USP2: variants seen among roughly 807,000 people sequenced by gnomAD.
USP2 encodes the protein ubiquitin carboxyl-terminal hydrolase 2.
Under a neutral mutation model 72.0 loss-of-function variants are expected in USP2, and 33 were observed. The ratio of observed to expected loss-of-function variants is 0.46; its 90% CI spans 0.35 to 0.61. USP2 has a LOEUF of 0.61. Among genes scored for constraint, USP2 ranks in the 20% least tolerant of loss-of-function variants. The pLI is 0.01. For synonymous variants in USP2, 296 were observed against 312.5 expected (o/e 0.95, Z 0.56); for missense variants, 691 against 797.8 (o/e 0.87, Z 1.61).
At chr11:119,368,640 T>G (rs898356659) in intron 2 of USP2, among the ~76,000 whole-genome samples, 1 of 152,238 alleles carries the variant, frequency 6.6e-6, no homozygotes, top group Non-Finnish European at 1.5e-5. Flanking sequence ...CCAGACCTTT[T>G]GCTCCTAGAA....
intron 1 of USP2, among the ~76,000 whole-genome samples, chr11:119,377,325 C>G (rs140138747): frequency 2.0e-5 from 3 of 152,166 alleles, no homozygotes; most frequent in Non-Finnish European, 4.4e-5. Context: ...CTTCACTCTT[C>G]CCTGGCTCTC....
At chr11:119,365,893 G>GTTTTTTTTTTTTTTTTTTTTT (rs1317666327) in intron 2 of USP2, among the ~76,000 whole-genome samples, 1 of 131,268 alleles carries the variant, frequency 7.6e-6, no homozygotes, top group African/African-American at 2.8e-5. Context: ...TATTTTATTT[G>GTTTTTTTTTTTTTTTTTTTTT]TTTTGTTTTT....
In USP2 at chr11:119,380,578, G is replaced by C. The variant is rs1951048509; in HGVS notation, c.-42+895C>G. Among the ~76,000 whole-genome samples, 6 of 152,148 alleles carry C rather than the reference G, an allele frequency of 3.9e-5. No individual in the cohort carries two copies. The South Asian group carries it at 1.2e-3, about 31-fold the overall frequency. Reference sequence around the variant, plus strand: ...TCTGCTCCCAGGACGTTTCTCGATGGCTCTCCCCGAGGACTGGGAGTACCC... The same window carrying C: ...TCTGCTCCCAGGACGTTTCTCGATGCCTCTCCCCGAGGACTGGGAGTACCC... On this transcript the variant is annotated intron_variant, in intron 1 of 12. Transcript: ENST00000260187.
At chr11:119,380,519 G>A (rs1245655569) in intron 1 of USP2, among the ~76,000 whole-genome samples, 1 of 152,086 alleles carries the variant, frequency 6.6e-6, no homozygotes, top group Non-Finnish European at 1.5e-5. Context: ...AGGAAGGAAC[G>A]GGGTTCTTAG....
At chr11:119,359,171 G>A (rs1383626965) in intron 5 of USP2, 37 bp from the exon 6 acceptor site, 1 of 1,612,802 alleles carries the variant, frequency 6.2e-7, no homozygotes, top group Non-Finnish European at 8.5e-7. Context: ...AACACCTCTT[G>A]TCCTAAGAAC....
At chr11:119,357,939 C>T (rs1357927124) in intron 9 of USP2, 42 bp downstream of exon 9, 1 of 1,613,726 alleles carries the variant, frequency 6.2e-7, no homozygotes, top group Non-Finnish European at 8.5e-7. Context: ...CCCAGTAGGT[C>T]CCACGGAAAT....
At chr11:119,371,539 T>C (rs1288965481) in intron 2 of USP2, among the ~76,000 whole-genome samples, 1 of 152,064 alleles carries the variant, frequency 6.6e-6, no homozygotes, top group African/African-American at 2.4e-5. Context: ...AAGCCAAGAC[T>C]CCCTAAGTCA....
intron 2 of USP2, among the ~76,000 whole-genome samples, chr11:119,364,784 G>C (rs1159265280): frequency 2.0e-5 from 3 of 152,178 alleles, no homozygotes; most frequent in African/African-American, 4.8e-5. Flanking sequence ...AAACAGTCCT[G>C]TTTGGCTTCT....
intron 2 of USP2, among the ~76,000 whole-genome samples, chr11:119,365,211 C>CTTCT (rs936728460): frequency 2.6e-5 from 4 of 152,170 alleles, no homozygotes; most frequent in African/African-American, 9.7e-5. Context: ...CTGTGGGCTC[C>CTTCT]TTCTGTTCCT....
rs765470322 is a variant in USP2 at position 119,357,847 on chromosome 11, GACAA to G, written c.1423-16_1423-13del. The G allele has an allele frequency of 6.2e-7, 1 of 1,613,542 alleles. No individual in the cohort carries two copies. The highest frequency in any genetic ancestry group is 1.1e-5 in the South Asian group (1 of 91,066). On this transcript the variant is annotated splice_polypyrimidine_tract_variant and intron_variant, in intron 9 of 12. Coordinates refer to ENST00000260187, the MANE Select transcript of USP2 (RefSeq NM_004205.5). ...CAGCGACAGCATGTCTGAGAGACAA[GACAA>G]ACAGAAAGAACTTGTGGGGAAGTCA...
At chr11:119,360,045 C>T (rs1950738326) in intron 3 of USP2, 139 bp downstream of exon 3, 4 of 1,090,416 alleles carry the variant, frequency 3.7e-6, no homozygotes, top group South Asian at 2.9e-5. Flanking sequence ...TTCTGTGAAA[C>T]ACCAGCCAGG....
intron 1 of USP2, chr11:119,376,122 T>C (rs889609220): frequency 1.0e-6 from 1 of 962,840 alleles, no homozygotes; most frequent in Non-Finnish European, 1.2e-6. Flanking sequence ...GGCCGGGGCC[T>C]TCCACATGTC....
At chr11:119,363,771 C>A in intron 2 of USP2, 1 of 1,154,766 alleles carries the variant, frequency 8.7e-7, no homozygotes, top group Non-Finnish European at 1.1e-6. Context: ...CACCTAGGGG[C>A]GCGTGGCGGG....
At chr11:119,364,116 G>A in intron 2 of USP2, 1 of 1,224,672 alleles carries the variant, frequency 8.2e-7, no homozygotes, top group East Asian at 3.2e-5. Flanking sequence ...ACAGGACAGC[G>A]TCCGCGGCGC....
chr11:119,360,141 T>C (rs895042779), intron 3 of USP2, 43 bp downstream of exon 3: 3 of 1,606,908 alleles, frequency 1.9e-6, no homozygotes, highest in South Asian at 2.2e-5. Flanking sequence ...GTCAGCATAG[T>C]AGGGGGTGGG....
At position 119,355,693 on chromosome 11, in the gene USP2, A is replaced by T. The variant is rs1331055249; in HGVS notation, c.*1142T>A. The stretch of plus-strand genomic sequence containing the variant: ...CTCTGAGAAGGGGGCGGGGGCAGGA[A>T]GGCCAGGGGGAAAGGGATGTTAAGA... On this transcript the variant is annotated 3_prime_UTR_variant, in exon 13 of 13. Coordinates refer to ENST00000260187, the MANE Select transcript of USP2 (RefSeq NM_004205.5). 2 of 152,292 alleles carry T rather than the reference A, an allele frequency of 1.3e-5. No individual in the cohort carries two copies. Among genetic ancestry groups the T allele is most frequent in the Non-Finnish European group, 2.9e-5 (2 of 68,174 alleles). The allele number at this position is 152,292 out of a possible 1,614,324, so 9.4% of individuals were successfully genotyped here.
intron 2 of USP2, chr11:119,364,308 G>A (rs1358129470): frequency 7.9e-6 from 4 of 508,364 alleles, no homozygotes; most frequent in South Asian, 8.4e-5. Context: ...CCCCGGCGCC[G>A]GCACGCGGAC....
chr11:119,357,076 G>A (rs1591313788), intron 12 of USP2, 111 bp downstream of exon 12: 11 of 1,269,748 alleles, frequency 8.7e-6, no homozygotes, highest in African/African-American at 1.6e-5. Context: ...ATCCATTCTC[G>A]GTGTAAGCCG....
chr11:119,377,338 T>A (rs1191947639), intron 1 of USP2, among the ~76,000 whole-genome samples: 3 of 152,174 alleles, frequency 2.0e-5, no homozygotes, highest in Admixed American at 2.0e-4. Flanking sequence ...TGGCTCTCCA[T>A]GGGACGGGTC....
Sources: allele counts gnomAD v4.1 joint callset (sites outside exome capture counted in the v4.1 genomes callset), GRCh38; gene constraint gnomAD v4.1.1; transcripts MANE v1.5; gene names NCBI Gene and HGNC (gene_info 2026-07-23, HGNC 2026-07-21).